ARHGEF37: variants seen among roughly 807,000 people sequenced by gnomAD.
ARHGEF37 encodes Rho guanine nucleotide exchange factor (GEF) 37.
In ARHGEF37, 55 loss-of-function variants were observed where a neutral mutation model predicts 71.1. The ratio of observed to expected loss-of-function variants is 0.77; its 90% confidence interval spans 0.62 to 0.97. The LOEUF is 0.97. Among genes scored for constraint, ARHGEF37 ranks in the 50% least tolerant of loss-of-function variants. The pLI, the probability that ARHGEF37 is intolerant of heterozygous loss-of-function variation, is 0.00. For missense variants in ARHGEF37, 765 were observed against 836.8 expected (o/e 0.91, Z 1.06); for synonymous variants, 327 against 350.6 (o/e 0.93, Z 0.75).
chr5:149,604,631 C>G (rs1000175249), intron 3 of ARHGEF37, among the ~76,000 whole-genome samples: 1 of 151,328 alleles, frequency 6.6e-6, no homozygotes, highest in Non-Finnish European at 1.5e-5. Context: ...GCCCCTAGGC[C>G]TTGCTATGCA....
intron 1 of ARHGEF37, chr5:149,552,218 C>CAAAAAA (rs58298279): frequency 1.4e-5 from 1 of 72,742 alleles, no homozygotes; most frequent in East Asian, 4.7e-4. Flanking sequence ...TCAACCCCAC[C>CAAAAAA]AAAAAAAAAA....
intron 1 of ARHGEF37, among the ~76,000 whole-genome samples, chr5:149,583,697 T>C (rs1763163990): frequency 6.6e-6 from 1 of 152,220 alleles, no homozygotes; most frequent in African/African-American, 2.4e-5. Flanking sequence ...AGAAGCAAAA[T>C]GGCATTTGTA....
Position 149,574,495 on chromosome 5 carries a change from C to G in ARHGEF37, c.-12+22372C>G, listed in dbSNP as rs149434707. 2.1e-3 allele frequency among the ~76,000 whole-genome samples: 321 copies of G among 152,298 alleles called. 1 individual carries two copies. Among genetic ancestry groups the G allele is most frequent in the African/African-American group, 7.6e-3 (316 of 41,566 alleles). ...GCCGGCTCCCCTTTCTTTGCCTGCC[C>G]CTTGGTTGTGTTCACCAGTTTTTTG... is the stretch of plus-strand genomic sequence containing the variant. On this transcript the variant is annotated intron_variant, in intron 1 of 2. Transcript: ENST00000505810.
chr5:149,572,800 G>T (rs554144815), intron 1 of ARHGEF37, among the ~76,000 whole-genome samples: 1 of 152,244 alleles, frequency 6.6e-6, no homozygotes, highest in South Asian at 2.1e-4. Flanking sequence ...ATTGTGTTTG[G>T]ACTGAAACTA....
At chr5:149,580,908 A>C (rs972862866), upstream of ARHGEF37, among the ~76,000 whole-genome samples, 1 of 152,298 alleles carries the variant, frequency 6.6e-6, no homozygotes, top group Middle Eastern at 3.4e-3. Flanking sequence ...AGTGTCTTGC[A>C]CAGGAGCCCA....
intron 12 of ARHGEF37, among the ~76,000 whole-genome samples, chr5:149,629,553 C>T (rs116346415): frequency 6.6e-6 from 1 of 151,892 alleles, no homozygotes; most frequent in Non-Finnish European, 1.5e-5. Context: ...CAGAAAAGGC[C>T]CAGTGACAGG....
chr5:149,615,060 C>G (rs1752336607), intron 4 of ARHGEF37, among the ~76,000 whole-genome samples: 1 of 152,152 alleles, frequency 6.6e-6, no homozygotes, highest in African/African-American at 2.4e-5. Flanking sequence ...GATGAAATTC[C>G]AGACATCCTT....
At chr5:149,554,385 C>T (rs921799111) in intron 1 of ARHGEF37, among the ~76,000 whole-genome samples, 2 of 152,124 alleles carry the variant, frequency 1.3e-5, no homozygotes, top group African/African-American at 4.8e-5. Context: ...TAATCCTCCT[C>T]GCCTTTTTTT....
intron 10 of ARHGEF37, 78 bp from the exon 11 acceptor site, chr5:149,626,998 A>G: frequency 2.0e-6 from 3 of 1,473,000 alleles, no homozygotes; most frequent in Non-Finnish European, 2.8e-6. Flanking sequence ...CTGGCTGTCA[A>G]AATGTGAGCA....
chr5:149,581,269 G>C (rs1037956335), upstream of ARHGEF37, among the ~76,000 whole-genome samples: 2 of 152,212 alleles, frequency 1.3e-5, no homozygotes, highest in African/African-American at 4.8e-5. Context: ...ATGAGAGGCC[G>C]CGGGAGGGTG....
intron 4 of ARHGEF37, among the ~76,000 whole-genome samples, chr5:149,610,654 T>A (rs1351119006): frequency 1.3e-5 from 2 of 152,170 alleles, no homozygotes; most frequent in Admixed American, 1.3e-4. Flanking sequence ...TTTTTATTCA[T>A]CCTTCATGGG....
Position 149,623,906 on chromosome 5 carries a change from A to G in ARHGEF37, c.1336-106A>G. The G allele has an allele frequency of 2.8e-6, 4 of 1,435,104 alleles. 1 individual carries two copies. In the South Asian group the frequency reaches 5.7e-5, roughly 21 times the overall value. The allele number at this position is 1,435,104 out of a possible 1,614,324, so 88.9% of individuals were successfully genotyped here. A position where few individuals can be genotyped will look rare whatever the true frequency, so the allele number is the denominator to read the frequency against. On this transcript the variant is annotated intron_variant, in intron 9 of 12. Transcript: ENST00000333677. ...CAGGGTCAAGGTCTCAGGACAGAGT[A>G]TCACTCAGAACTCCTTGGGTTGAAA...
rs373846122 is a variant in ARHGEF37, at chr5:149,627,152, C to T, written c.1541C>T (p.Thr514Ile). 7.4e-6 allele frequency: 12 copies of T among 1,614,068 alleles called. No homozygotes were observed. Among genetic ancestry groups the T allele is most frequent in the Middle Eastern group, 3.3e-4 (2 of 6,084 alleles). The change falls in exon 11 of 13, where the codon ACA becomes ATA. Residue 514 changes from threonine to isoleucine, a missense_variant. Thr to Ile is a moderately conservative substitution (Grantham distance 89). This residue lies in a region of ARHGEF37 where 390 missense variants were observed against 407.4 expected (regional missense o/e 0.96). Transcript: ENST00000333677. ...RYGPGKLYQV[T>I]SNISGTGTLD... The stretch of plus-strand genomic sequence containing the variant: ...GGCCCTGGGAAGCTGTACCAGGTGA[C>T]AAGCAACATCAGTGGGACTGGGACT...
chr5:149,617,909 G>A (rs779641895), intron 5 of ARHGEF37, among the ~76,000 whole-genome samples: 15 of 152,156 alleles, frequency 9.9e-5, no homozygotes, highest in Non-Finnish European at 1.3e-4. Context: ...GCAATCCTGC[G>A]AGGTGGCTGG....
At chr5:149,559,847 C>CA (rs1425383475) in intron 1 of ARHGEF37, among the ~76,000 whole-genome samples, 1 of 152,178 alleles carries the variant, frequency 6.6e-6, no homozygotes, top group Non-Finnish European at 1.5e-5. Context: ...CCCCCAATTT[C>CA]AAAATCTCAA....
At chr5:149,565,527 C>A (rs1762887304) in intron 1 of ARHGEF37, among the ~76,000 whole-genome samples, 1 of 152,162 alleles carries the variant, frequency 6.6e-6, no homozygotes, top group South Asian at 2.1e-4. Flanking sequence ...AGCATACTGG[C>A]TACCAAGAGA....
rs1279056811 is a variant in ARHGEF37, at chr5:149,633,389, C to A, written c.*1198C>A. 6.6e-6 allele frequency: 1 copy of A among 152,252 alleles called. No homozygotes were observed. The highest frequency in any genetic ancestry group is 1.9e-4 in the East Asian group (1 of 5,200). 9.4% of individuals were successfully genotyped at this position (152,252 alleles called of 1,614,324 possible). ...TTCTTTCCTGTAACCCAGGATCTACCTTGGGGGGCTTCTCAATACTGCATT... is the reference window on the plus strand; with the variant it reads ...TTCTTTCCTGTAACCCAGGATCTACATTGGGGGGCTTCTCAATACTGCATT... On this transcript the variant is annotated 3_prime_UTR_variant, in exon 13 of 13. Transcript: ENST00000333677.
chr5:149,617,638 T>C (rs192038485), intron 5 of ARHGEF37, among the ~76,000 whole-genome samples: 2 of 152,182 alleles, frequency 1.3e-5, no homozygotes, highest in South Asian at 2.1e-4. Context: ...GTCGCAGAAC[T>C]GGTAAGGGAC....
Position 149,632,438 on chromosome 5 carries a change from G to T in ARHGEF37, c.*247G>T, listed in dbSNP as rs1028242451. 5.0e-5 allele frequency: 26 copies of T among 518,884 alleles called. No homozygotes were observed. The highest frequency in any genetic ancestry group is 7.7e-5 in the Non-Finnish European group (22 of 286,456). 32.1% of individuals were successfully genotyped at this position (518,884 alleles called of 1,614,324 possible). On this transcript the variant is annotated 3_prime_UTR_variant, in exon 13 of 13. Transcript: ENST00000333677. ...GCATAAAGAACTCATTCCGACCTGG[G>T]GTCACAATGCACTTGGACAGCAGGT...
Sources: gnomAD v4.1 joint callset for allele counts (sites outside exome capture counted in the v4.1 genomes callset) on GRCh38, gnomAD v4.1.1 for gene constraint, gnomAD v4.1.1 regional missense constraint, MANE v1.5 for transcripts, NCBI Gene and HGNC (gene_info 2026-07-23, HGNC 2026-07-21) for gene names.